Variants in LGSN observed in about 807,000 individuals in gnomAD.
LGSN encodes lengsin, lens protein with glutamine synthetase domain, also known as lengsin.
Under a neutral mutation model 19.5 loss-of-function variants are expected in LGSN, and 21 were observed. The observed-to-expected ratio is 1.07, with a 90% CI of 0.76 to 1.55. LGSN has a LOEUF of 1.55. Ranked by LOEUF, LGSN falls within the 40% of genes most tolerant of loss-of-function variation. The probability of loss-of-function intolerance (pLI) is 0.00; values close to 1 mark genes in which losing one functional copy is unlikely to be tolerated. For synonymous variants in LGSN, 257 were observed against 215.6 expected (o/e 1.19, Z -1.68); for missense variants, 673 against 608.5 (o/e 1.11, Z -1.12).
At chr6:63,508,420 C>G in the LGSN span, among the ~76,000 whole-genome samples, 1 of 151,750 alleles carries the variant, frequency 6.6e-6, no homozygotes, top group South Asian at 2.1e-4. Flanking sequence ...TTAAAACCAC[C>G]AAAAAATAAG....
At chr6:63,494,666 T>C in the LGSN span, among the ~76,000 whole-genome samples, 6 of 152,204 alleles carry the variant, frequency 3.9e-5, no homozygotes, top group Non-Finnish European at 7.3e-5. Context: ...CTTACTCTGT[T>C]GCCCAGGCTG....
the LGSN span, among the ~76,000 whole-genome samples, chr6:63,515,804 G>A: frequency 6.6e-6 from 1 of 152,090 alleles, no homozygotes; most frequent in Non-Finnish European, 1.5e-5. Flanking sequence ...GAAATGGAAG[G>A]AAGAAAGGAA....
the LGSN span, among the ~76,000 whole-genome samples, chr6:63,491,079 T>C: frequency 4.7e-3 from 710 of 152,252 alleles, 3 homozygotes; most frequent in Non-Finnish European, 8.1e-3. Context: ...CTTCTGAAAC[T>C]ACCCTCATAC....
chr6:63,432,158 AAAGAAAG>A, the LGSN span, among the ~76,000 whole-genome samples: 5 of 115,192 alleles, frequency 4.3e-5, no homozygotes, highest in African/African-American at 7.6e-5. Context: ...AGAAAGAAAG[AAAGAAAG>A]AAAGAAAAGG....
chr6:63,294,845 G>T, intron 2 of LGSN, 68 bp downstream of exon 2: 2 of 1,485,030 alleles, frequency 1.3e-6, no homozygotes, highest in Non-Finnish European at 1.9e-6. Context: ...GATGTTTTAT[G>T]AAAAGAAAGA....
At chr6:63,345,073 A>G in the LGSN span, among the ~76,000 whole-genome samples, 1 of 152,152 alleles carries the variant, frequency 6.6e-6, no homozygotes, top group Non-Finnish European at 1.5e-5. Context: ...TAAGAGATTT[A>G]CAATTGCACT....
At chr6:63,411,209 G>A in the LGSN span, among the ~76,000 whole-genome samples, 2 of 152,096 alleles carry the variant, frequency 1.3e-5, no homozygotes, top group South Asian at 2.1e-4. Flanking sequence ...GTCTATATTC[G>A]TGATTTGGAA....
chr6:63,433,292 A>G, the LGSN span, among the ~76,000 whole-genome samples: 1 of 152,218 alleles, frequency 6.6e-6, no homozygotes, highest in Non-Finnish European at 1.5e-5. Context: ...AGCAACAGAC[A>G]ATATCTTAAG....
At chr6:63,363,471 C>A in the LGSN span, among the ~76,000 whole-genome samples, 2 of 152,116 alleles carry the variant, frequency 1.3e-5, no homozygotes, top group Non-Finnish European at 2.9e-5. Context: ...AGATGAATGG[C>A]CAACTAGAAT....
At chr6:63,500,673 G>A in the LGSN span, among the ~76,000 whole-genome samples, 14 of 151,872 alleles carry the variant, frequency 9.2e-5, no homozygotes, top group East Asian at 9.8e-4. Context: ...CACCCGCCTC[G>A]GCCTCCCAAA....
At chr6:63,292,333 C>T (rs1452069633) in intron 2 of LGSN, among the ~76,000 whole-genome samples, 1 of 152,190 alleles carries the variant, frequency 6.6e-6, no homozygotes, top group Non-Finnish European at 1.5e-5. Flanking sequence ...TTTCCAGGCT[C>T]TAGCTCTTCC....
At chr6:63,573,431 C>T in the LGSN span, 1 of 152,144 alleles carries the variant, frequency 6.6e-6, no homozygotes, top group African/African-American at 2.4e-5. Context: ...GGACCCGAGC[C>T]TCAGACAAAA....
chr6:63,337,485 AAAAT>A, the LGSN span, among the ~76,000 whole-genome samples: 20 of 151,714 alleles, frequency 1.3e-4, no homozygotes, highest in African/African-American at 4.6e-4. Context: ...CTCAATTTTA[AAAAT>A]AAATAAATAA....
chr6:63,325,103 CAAAAAA>C, the LGSN span, among the ~76,000 whole-genome samples: 29 of 65,272 alleles, frequency 4.4e-4, no homozygotes, highest in African/African-American at 1.5e-3. Flanking sequence ...AACTCTGTCT[CAAAAAA>C]AAAAAAAAAA....
chr6:63,359,627 G>A, the LGSN span, among the ~76,000 whole-genome samples: 6 of 152,310 alleles, frequency 3.9e-5, no homozygotes, highest in African/African-American at 1.2e-4. Context: ...GCATAGAGGT[G>A]TTTATAGTAT....
At position 63,279,704 on chromosome 6, in the gene LGSN, T is replaced by G. The variant is rs372448108; in HGVS notation, c.*317A>C. ...AATGCTTAAGTCTTTTTTTTCTTAA[T>G]GTGCGAATATATTTATTGCCACCCA... On this transcript the variant is annotated 3_prime_UTR_variant, in exon 4 of 4. Coordinates refer to ENST00000370657, the MANE Select transcript of LGSN (RefSeq NM_016571.3). 5.8e-4 allele frequency: 101 copies of G among 173,750 alleles called. No individual in the cohort carries two copies. Among genetic ancestry groups the G allele is most frequent in the African/African-American group, 1.9e-3 (82 of 42,444 alleles). 10.8% of individuals were successfully genotyped at this position (173,750 alleles called of 1,614,324 possible).
At chr6:63,365,492 G>A in the LGSN span, among the ~76,000 whole-genome samples, 17 of 152,214 alleles carry the variant, frequency 1.1e-4, no homozygotes, top group South Asian at 3.1e-3. Flanking sequence ...ATTCACAGAC[G>A]AATTCTACCA....
At chr6:63,400,430 G>A in the LGSN span, among the ~76,000 whole-genome samples, 1 of 152,184 alleles carries the variant, frequency 6.6e-6, no homozygotes, top group South Asian at 2.1e-4. Flanking sequence ...GCACCTCCAG[G>A]ACATTTAATG....
the LGSN span, among the ~76,000 whole-genome samples, chr6:63,344,131 C>T: frequency 6.6e-6 from 1 of 152,166 alleles, no homozygotes; most frequent in African/African-American, 2.4e-5. Flanking sequence ...AAGAAGAAAA[C>T]TCACCCTGAC....
Sources: gnomAD v4.1 joint callset for allele counts (sites outside exome capture counted in the v4.1 genomes callset) on GRCh38, gnomAD v4.1.1 for gene constraint, MANE v1.5 for transcripts, NCBI Gene and HGNC (gene_info 2026-07-23, HGNC 2026-07-21) for gene names.